The following NTNG1 variants were observed in gnomAD, a reference collection of about 807,000 sequenced individuals.
The protein encoded by NTNG1 is netrin G1, also known as netrin-G1.
A neutral mutation model predicts 54.0 loss-of-function variants in NTNG1; 16 were observed. The observed-to-expected ratio is 0.30, with a 90% CI of 0.20 to 0.45. The LOEUF is 0.45. NTNG1 is among the 20% of genes least tolerant of loss of function. NTNG1 has a pLI of 1.00. For missense variants in NTNG1, 530 were observed against 678.7 expected (o/e 0.78, Z 2.43); for synonymous variants, 255 against 263.1 (o/e 0.97, Z 0.30).
At chr1:107,183,388 T>A (rs1354717690) in intron 2 of NTNG1, among the ~76,000 whole-genome samples, 1 of 152,182 alleles carries the variant, frequency 6.6e-6, no homozygotes, top group Non-Finnish European at 1.5e-5. Context: ...AAGCGATCAG[T>A]TAGATAAACC....
chr1:107,349,305 G>A (rs1669452834), intron 3 of NTNG1, among the ~76,000 whole-genome samples: 1 of 151,972 alleles, frequency 6.6e-6, no homozygotes. Context: ...TCGTAGCACT[G>A]AGCTCTGTAT....
At chr1:107,414,158 A>T (rs1340101685) in intron 5 of NTNG1, among the ~76,000 whole-genome samples, 1 of 152,186 alleles carries the variant, frequency 6.6e-6, no homozygotes, top group Non-Finnish European at 1.5e-5. Context: ...CGTCAGCACT[A>T]GACAGTCAGG....
intron 2 of NTNG1, among the ~76,000 whole-genome samples, chr1:107,191,056 G>C (rs972457705): frequency 3.9e-5 from 6 of 152,184 alleles, no homozygotes; most frequent in African/African-American, 9.7e-5. Flanking sequence ...GTGTAAAAGT[G>C]TTCCTATTTC....
At chr1:107,443,709 A>T (rs1350513543) in intron 7 of NTNG1, among the ~76,000 whole-genome samples, 1 of 152,160 alleles carries the variant, frequency 6.6e-6, no homozygotes, top group East Asian at 1.9e-4. Flanking sequence ...GTTGCTAAAC[A>T]TATGATTTCC....
chr1:107,480,594 T>TCCCC lies in NTNG1; in HGVS notation c.1391-15_1391-12dup. 1 of 449,948 alleles carries TCCCC rather than the reference T, an allele frequency of 2.2e-6. No individual in the cohort carries two copies. The highest frequency in any genetic ancestry group is 2.0e-5 in the South Asian group (1 of 50,548). The allele number at this position is 449,948 out of a possible 1,614,324, so 27.9% of individuals were successfully genotyped here. ...TCCCCGCGCCCACCCACCCCTACCT[T>TCCCC]CCCCCTCATTCTGCAGCGAATGTCT... On this transcript the variant is annotated splice_polypyrimidine_tract_variant and intron_variant, in intron 7 of 7. Coordinates refer to ENST00000370068, the MANE Select transcript of NTNG1 (RefSeq NM_001113226.3).
intron 2 of NTNG1, among the ~76,000 whole-genome samples, chr1:107,234,459 G>C (rs1403184070): frequency 2.0e-5 from 3 of 151,982 alleles, no homozygotes; most frequent in Admixed American, 2.0e-4. Context: ...TATGTTCAGT[G>C]ATAGTCATTT....
chr1:107,385,834 TTTG>T (rs1671933074), intron 3 of NTNG1, among the ~76,000 whole-genome samples: 3 of 150,434 alleles, frequency 2.0e-5, no homozygotes, highest in South Asian at 2.1e-4. Context: ...TTTTAAGAAT[TTTG>T]TTTTTTTTTT....
chr1:107,447,542 C>G (rs940689055), intron 7 of NTNG1, among the ~76,000 whole-genome samples: 3 of 152,174 alleles, frequency 2.0e-5, no homozygotes, highest in South Asian at 4.1e-4. Context: ...AAACTACATA[C>G]AGACATGATG....
intron 5 of NTNG1, among the ~76,000 whole-genome samples, chr1:107,423,898 C>G (rs1273547475): frequency 6.6e-6 from 1 of 152,116 alleles, no homozygotes; most frequent in Non-Finnish European, 1.5e-5. Context: ...TTTTCTCTAT[C>G]TTCCTCTGTT....
At chr1:107,297,411 G>A (rs1448556704) in intron 2 of NTNG1, among the ~76,000 whole-genome samples, 1 of 151,556 alleles carries the variant, frequency 6.6e-6, no homozygotes. Flanking sequence ...TGTGAAAGTT[G>A]GGTCATAGGT....
chr1:107,446,773 A>G (rs1676331479), intron 7 of NTNG1, among the ~76,000 whole-genome samples: 2 of 152,242 alleles, frequency 1.3e-5, no homozygotes, highest in Admixed American at 6.5e-5. Flanking sequence ...TTCTGTTTAC[A>G]GCCTTCAGTT....
intron 2 of NTNG1, among the ~76,000 whole-genome samples, chr1:107,210,552 A>G (rs141685582): frequency 6.6e-6 from 1 of 152,324 alleles, no homozygotes; most frequent in African/African-American, 2.4e-5. Flanking sequence ...AGCTCAGGCT[A>G]TCCTCAAGCT....
At chr1:107,352,220 T>C (rs1022245376) in intron 3 of NTNG1, among the ~76,000 whole-genome samples, 3 of 152,240 alleles carry the variant, frequency 2.0e-5, no homozygotes, top group African/African-American at 7.2e-5. Flanking sequence ...CACTAGGCAG[T>C]GCTCCAATGG....
intron 2 of NTNG1, among the ~76,000 whole-genome samples, chr1:107,277,656 T>A (rs1054448190): frequency 6.6e-6 from 1 of 152,170 alleles, no homozygotes; most frequent in African/African-American, 2.4e-5. Flanking sequence ...TTCTAATGAG[T>A]AGATGTTCTA....
At chr1:107,308,263 T>A (rs1666801883) in intron 2 of NTNG1, among the ~76,000 whole-genome samples, 1 of 152,218 alleles carries the variant, frequency 6.6e-6, no homozygotes, top group South Asian at 2.1e-4. Context: ...CTAGGTTGCT[T>A]CCAGGGTTTT....
At chr1:107,198,594 G>C (rs1217516063) in intron 2 of NTNG1, among the ~76,000 whole-genome samples, 2 of 151,788 alleles carry the variant, frequency 1.3e-5, no homozygotes, top group South Asian at 2.1e-4. Flanking sequence ...TCGTATTTTT[G>C]TGTTTTGGGG....
intron 2 of NTNG1, among the ~76,000 whole-genome samples, chr1:107,321,525 C>T (rs754398578): frequency 6.6e-6 from 1 of 151,952 alleles, no homozygotes; most frequent in Non-Finnish European, 1.5e-5. Flanking sequence ...TTGGCCTCCT[C>T]ATGTTTACAA....
intron 3 of NTNG1, among the ~76,000 whole-genome samples, chr1:107,325,747 G>A (rs1225594694): frequency 5.3e-5 from 8 of 152,064 alleles, no homozygotes; most frequent in Admixed American, 2.0e-4. Flanking sequence ...CACCTGATGG[G>A]AGTGGAAGCA....
At chr1:107,195,952 CTG>C (rs1658285820) in intron 2 of NTNG1, among the ~76,000 whole-genome samples, 1 of 151,852 alleles carries the variant, frequency 6.6e-6, no homozygotes, top group African/African-American at 2.4e-5. Flanking sequence ...TCTCTAAACA[CTG>C]TATCTTTTAT....
Sources: gnomAD v4.1 joint callset for allele counts (sites outside exome capture counted in the v4.1 genomes callset) on GRCh38, gnomAD v4.1.1 for gene constraint, MANE v1.5 for transcripts, NCBI Gene and HGNC (gene_info 2026-07-23, HGNC 2026-07-21) for gene names.